The following HAUS6 variants were observed in gnomAD, a reference collection of about 807,000 sequenced individuals.
HAUS6 encodes HAUS augmin-like complex subunit 6.
HAUS6 carries 80 observed loss-of-function variants against 106.8 expected under a neutral mutation model. That is an observed-to-expected ratio of 0.75 (90% CI 0.63 to 0.90). The LOEUF (loss-of-function observed/expected upper bound fraction) is 0.90, where lower values mean the gene tolerates loss of function less well. Ranked by LOEUF, HAUS6 falls within the 40% of genes least tolerant of loss-of-function variation. HAUS6 has a pLI of 0.00. For missense variants in HAUS6, 1,155 were observed against 1,118.1 expected, an observed-to-expected ratio of 1.03 and a Z score of -0.47; for synonymous variants, 356 against 379.1, an observed-to-expected ratio of 0.94 and a Z score of 0.71.
At chr9:19,076,871 T>A (rs1837019707) in intron 10 of HAUS6, among the ~76,000 whole-genome samples, 167 bp from the exon 11 acceptor site, 1 of 152,136 alleles carries the variant, frequency 6.6e-6, no homozygotes, top group African/African-American at 2.4e-5. Context: ...AAAGACAGGG[T>A]CTCAGTCCCT....
At chr9:19,101,728 T>A (rs972153240) in intron 1 of HAUS6, among the ~76,000 whole-genome samples, 5 of 152,202 alleles carry the variant, frequency 3.3e-5, no homozygotes, top group Non-Finnish European at 7.3e-5. Context: ...GAGACCATCC[T>A]GGCCAACATG....
intron 7 of HAUS6, among the ~76,000 whole-genome samples, chr9:19,084,556 A>T (rs1049652280): frequency 1.3e-5 from 2 of 149,070 alleles, no homozygotes; most frequent in Admixed American, 6.6e-5. Context: ...GTGGAGAAAT[A>T]TAATTATACA....
chr9:19,095,950 C>T (rs772769125), intron 2 of HAUS6, among the ~76,000 whole-genome samples: 21 of 151,944 alleles, frequency 1.4e-4, no homozygotes, highest in Non-Finnish European at 3.1e-4. Flanking sequence ...TACAGATAGC[C>T]GTGTAGACAA....
chr9:19,102,904 G>A lies in HAUS6; in HGVS notation c.-253C>T, dbSNP rs996955658. Reference sequence around the variant, plus strand: ...CACAAACCGAGACTCCCGCCCTTAAGGAAGAGCAGTGTGCGCCGGCGCCGC... The same window carrying A: ...CACAAACCGAGACTCCCGCCCTTAAAGAAGAGCAGTGTGCGCCGGCGCCGC... On this transcript the variant is annotated 5_prime_UTR_variant, in exon 1 of 17. Transcript: ENST00000380502. The A allele has an allele frequency of 5.1e-5, 18 of 350,534 alleles. No individual in the cohort carries two copies. In the East Asian group the frequency reaches 6.9e-4, roughly 13 times the overall value. 21.7% of individuals were successfully genotyped at this position (350,534 alleles called of 1,614,324 possible).
intron 1 of HAUS6, 152 bp downstream of exon 1, chr9:19,102,372 C>T (rs1564024738): frequency 1.2e-6 from 1 of 836,764 alleles, no homozygotes. Flanking sequence ...AGGCTGGCAG[C>T]AACTGGGAGT....
intron 16 of HAUS6, chr9:19,057,216 A>G (rs1270905292): frequency 6.6e-6 from 1 of 152,316 alleles, no homozygotes; most frequent in Non-Finnish European, 1.5e-5. Flanking sequence ...ATAATTAGCT[A>G]AGTAAGATGA....
In HAUS6 at chr9:19,058,289, T is replaced by G; in HGVS notation, c.2478A>C (p.Ser826=). Reference sequence around the variant, plus strand: ...TGCGAAGAGCCTGTAAATTAAAGTCTGATTCTGGAGTAGTCTGTCTCCCTC... The same window carrying G: ...TGCGAAGAGCCTGTAAATTAAAGTCGGATTCTGGAGTAGTCTGTCTCCCTC... The part of the protein sequence containing the change: ...VVGGRQTTPE[S]DFNLQALRSR... Residue 826 remains serine (S), a synonymous_variant, in exon 16 of 17, where the codon TCA becomes TCC. Coordinates refer to ENST00000380502, the MANE Select transcript of HAUS6 (RefSeq NM_017645.5). 3 of 1,613,706 alleles carry G rather than the reference T, an allele frequency of 1.9e-6. No homozygotes were observed. The highest frequency in any genetic ancestry group is 2.5e-6 in the Non-Finnish European group (3 of 1,179,618).
intron 1 of HAUS6, among the ~76,000 whole-genome samples, chr9:19,101,179 A>G (rs766267918): frequency 1.3e-5 from 2 of 152,252 alleles, no homozygotes; most frequent in South Asian, 2.1e-4. Flanking sequence ...GTATAAGTGT[A>G]TCAAAATATC....
intron 3 of HAUS6, among the ~76,000 whole-genome samples, chr9:19,094,061 T>C (rs1436019511): frequency 6.6e-6 from 1 of 152,218 alleles, no homozygotes; most frequent in Non-Finnish European, 1.5e-5. Context: ...AAAAGTTTTC[T>C]TTAAACAAAA....
chr9:19,097,731 A>C (rs1487019809), intron 1 of HAUS6, among the ~76,000 whole-genome samples: 1 of 151,962 alleles, frequency 6.6e-6, no homozygotes, highest in Non-Finnish European at 1.5e-5. Context: ...AATAGTTTTT[A>C]TTGTGCCAAT....
intron 3 of HAUS6, 114 bp from the exon 4 acceptor site, chr9:19,093,417 T>A: frequency 2.2e-6 from 2 of 921,876 alleles, no homozygotes; most frequent in Non-Finnish European, 3.4e-6. Flanking sequence ...AGTCCCACAT[T>A]TTCATAAGTA....
At chr9:19,093,334 G>C (rs1421205221) in intron 3 of HAUS6, 31 bp from the exon 4 acceptor site, 5 of 1,566,894 alleles carry the variant, frequency 3.2e-6, no homozygotes, top group Non-Finnish European at 4.3e-6. Flanking sequence ...ATGATTTGAA[G>C]ACCTTGTTAA....
Position 19,078,259 on chromosome 9 carries a change from C to A in HAUS6, c.1108G>T (p.Val370Phe), listed in dbSNP as rs111697063. 1.1e-3 allele frequency: 1,616 copies of A among 1,531,796 alleles called. 20 individuals are homozygous for A. The African/African-American group carries it at 0.019, about 18-fold the overall frequency. The allele number at this position is 1,531,796 out of a possible 1,614,324, so 94.9% of individuals were successfully genotyped here. The change falls in exon 10 of 17, where the codon GTT (valine) becomes TTT (phenylalanine). Residue 370 changes from valine to phenylalanine, a missense_variant. Around this residue, in one of 3 missense-constraint regions of HAUS6, gnomAD observed 761 missense variants for 690.0 expected, o/e 1.10. Transcript: ENST00000380502. ...DDLTTIRHSV[V>F]EKQGEWHKKW... is the part of the protein sequence containing the mutation. ...TTATGCCATTCTCCTTGCTTTTCAA[C>A]AACAGAATGTCTTATAGTTGTGAGA...
rs369269946 is a variant in HAUS6, at chr9:19,096,660, T to G, written c.224+14A>C. On this transcript the variant is annotated intron_variant, in intron 2 of 16. Transcript: ENST00000380502. ...TGGAAAGAAATTTAAGAAAATGAAA[T>G]TATTTTTCCTTACTTGAAAACTTCT... 1 of 1,156,666 alleles carries G rather than the reference T, an allele frequency of 8.6e-7. No homozygotes were observed. The highest frequency in any genetic ancestry group is 1.4e-5 in the South Asian group (1 of 72,448). The allele number at this position is 1,156,666 out of a possible 1,614,324, so 71.7% of individuals were successfully genotyped here. A position where few individuals can be genotyped will look rare whatever the true frequency, so the allele number is the denominator to read the frequency against.
intron 7 of HAUS6, among the ~76,000 whole-genome samples, chr9:19,083,525 G>A (rs1321204572): frequency 3.9e-5 from 6 of 152,128 alleles, no homozygotes; most frequent in Non-Finnish European, 7.4e-5. Flanking sequence ...AAGAGAAGCC[G>A]GGCGCAGTGG....
intron 11 of HAUS6, among the ~76,000 whole-genome samples, chr9:19,072,126 G>A (rs1475207170): frequency 1.3e-5 from 2 of 151,554 alleles, no homozygotes; most frequent in African/African-American, 4.9e-5. Context: ...AGAGGCAGAG[G>A]TTGCAGTGAG....
intron 5 of HAUS6, among the ~76,000 whole-genome samples, chr9:19,088,250 A>C (rs887627529): frequency 3.3e-5 from 5 of 151,818 alleles, no homozygotes; most frequent in African/African-American, 1.2e-4. Flanking sequence ...CCCCTTCTCT[A>C]CTAAAAAATA....
At position 19,074,140 on chromosome 9, in the gene HAUS6, G is replaced by T. The variant is rs147307104; in HGVS notation, c.1294+2462C>A. On this transcript the variant is annotated intron_variant, in intron 11 of 16. Coordinates refer to ENST00000380502, the MANE Select transcript of HAUS6 (RefSeq NM_017645.5). ...AGTGTGCCTGTAATCCCAGCTACTGGGGAGGCTGAGGCAGGAGAATTGCTT... is the reference window on the plus strand; with the variant it reads ...AGTGTGCCTGTAATCCCAGCTACTGTGGAGGCTGAGGCAGGAGAATTGCTT... Among the ~76,000 whole-genome samples, 1,091 of 152,128 alleles carry T rather than the reference G, an allele frequency of 7.2e-3. 10 individuals carry two copies. The highest frequency in any genetic ancestry group is 0.025 in the African/African-American group (1,029 of 41,498).
intron 4 of HAUS6, among the ~76,000 whole-genome samples, chr9:19,091,153 T>C (rs1817737120): frequency 6.6e-6 from 1 of 151,650 alleles, no homozygotes; most frequent in African/African-American, 2.4e-5. Flanking sequence ...ACAAAAAAAT[T>C]AGCAGGCATG....
Sources: gnomAD v4.1 joint callset for allele counts (sites outside exome capture counted in the v4.1 genomes callset) on GRCh38, gnomAD v4.1.1 for gene constraint, gnomAD v4.1.1 regional missense constraint, MANE v1.5 for transcripts, NCBI Gene and HGNC (gene_info 2026-07-23, HGNC 2026-07-21) for gene names.